Variants in NMU observed in about 807,000 individuals in gnomAD.
The protein encoded by NMU is neuromedin-U.
A neutral mutation model predicts 35.4 loss-of-function variants in NMU; 29 were observed. The observed-to-expected ratio is 0.82, with a 90% CI of 0.61 to 1.12. NMU has a LOEUF of 1.12. Ranked by LOEUF, NMU falls within the 50% of genes most tolerant of loss-of-function variation. The pLI is 0.00. For missense variants in NMU, 199 were observed against 206.2 expected, an observed-to-expected ratio of 0.97 and a Z score of 0.21; for synonymous variants, 78 against 81.3, an observed-to-expected ratio of 0.96 and a Z score of 0.22.
At chr4:55,612,046 A>G (rs113862819) in intron 3 of NMU, among the ~76,000 whole-genome samples, 58 of 152,246 alleles carry the variant, frequency 3.8e-4, no homozygotes, top group African/African-American at 1.4e-3. Flanking sequence ...TTGCATTGGT[A>G]TTGCCTGCTA....
chr4:55,602,519 T>C (rs1404285065), intron 7 of NMU, among the ~76,000 whole-genome samples: 1 of 152,078 alleles, frequency 6.6e-6, no homozygotes, highest in Admixed American at 6.6e-5. Flanking sequence ...CAATACTGAG[T>C]GATTAGCTTT....
At chr4:55,635,031 G>A (rs1050178060) in intron 1 of NMU, among the ~76,000 whole-genome samples, 1 of 152,168 alleles carries the variant, frequency 6.6e-6, no homozygotes, top group Non-Finnish European at 1.5e-5. Context: ...TACAGGCTCT[G>A]CAGTTGTGAT....
rs375205635 is a variant in NMU at position 55,630,327 on chromosome 4, CA to C, written c.171+74del. The C allele has an allele frequency of 1.2e-4, 127 of 1,066,642 alleles. No homozygotes were observed. In the African/African-American group the frequency reaches 1.6e-3, roughly 13 times the overall value. 66.1% of individuals were successfully genotyped at this position (1,066,642 alleles called of 1,614,324 possible). ...GTAAAATCATAGTTCTCCCAAAGCT[CA>C]ATTATACATTTTAACATGATAATTT... On this transcript the variant is annotated intron_variant, in intron 2 of 9. Transcript: ENST00000264218.
At chr4:55,597,315 G>T (rs901337562) in intron 9 of NMU, among the ~76,000 whole-genome samples, 2 of 151,540 alleles carry the variant, frequency 1.3e-5, no homozygotes, top group Non-Finnish European at 2.9e-5. Flanking sequence ...AGGGTATATT[G>T]TGGGTATAGT....
rs199790404 is a variant in NMU at position 55,613,121 on chromosome 4, AG to A, written c.219+3216del. On this transcript the variant is annotated intron_variant, in intron 3 of 9. Coordinates refer to ENST00000264218, the MANE Select transcript of NMU (RefSeq NM_006681.4). Reference sequence around the variant, plus strand: ...TAAACACGGATGCACGTGGGCAAAGAGAAGGAAACAGTAGATACCGAGGCCT... The same window carrying A: ...TAAACACGGATGCACGTGGGCAAAGAAAGGAAACAGTAGATACCGAGGCCT... Among the ~76,000 whole-genome samples, 1,499 of 152,298 alleles carry A rather than the reference AG, an allele frequency of 9.8e-3. 9 individuals carry two copies. The highest frequency in any genetic ancestry group is 0.02 in the Middle Eastern group (6 of 294).
intron 1 of NMU, 120 bp from the exon 2 acceptor site, chr4:55,630,580 A>G: frequency 1.3e-6 from 1 of 743,532 alleles, no homozygotes. Flanking sequence ...TCACCCACCT[A>G]TTTCAATATT....
At chr4:55,604,796 G>C (rs923798337) in intron 7 of NMU, among the ~76,000 whole-genome samples, 1 of 146,718 alleles carries the variant, frequency 6.8e-6, no homozygotes, top group African/African-American at 2.5e-5. Flanking sequence ...GCCTTCCAAA[G>C]TTGAAGGGAT....
At chr4:55,608,753 G>C (rs1421107990) in intron 4 of NMU, among the ~76,000 whole-genome samples, 1 of 150,880 alleles carries the variant, frequency 6.6e-6, no homozygotes, top group Admixed American at 6.6e-5. Flanking sequence ...AAAGTACAAT[G>C]TCCTGACCTT....
intron 1 of NMU, among the ~76,000 whole-genome samples, chr4:55,632,754 C>T (rs1424974861): frequency 6.6e-6 from 1 of 152,022 alleles, no homozygotes; most frequent in Non-Finnish European, 1.5e-5. Flanking sequence ...CCATCCCCGA[C>T]CCCCAGTAAA....
chr4:55,613,571 T>C (rs1472437560), intron 3 of NMU, among the ~76,000 whole-genome samples: 1 of 152,160 alleles, frequency 6.6e-6, no homozygotes, highest in Non-Finnish European at 1.5e-5. Context: ...TTAGAAATTA[T>C]AGTAATTAGT....
intron 5 of NMU, 25 bp downstream of exon 5, chr4:55,607,412 T>C: frequency 8.3e-7 from 1 of 1,205,482 alleles, no homozygotes; most frequent in Non-Finnish European, 1.2e-6. Flanking sequence ...TTTTATAAGG[T>C]ATAGATGTAT....
At chr4:55,610,650 A>G (rs751740804) in intron 3 of NMU, among the ~76,000 whole-genome samples, 1 of 151,980 alleles carries the variant, frequency 6.6e-6, no homozygotes, top group Non-Finnish European at 1.5e-5. Context: ...TCTTCATTCC[A>G]TTTGTTTGCT....
At chr4:55,599,728 CT>C (rs1733348730) in intron 8 of NMU, among the ~76,000 whole-genome samples, 1 of 152,144 alleles carries the variant, frequency 6.6e-6, no homozygotes, top group Non-Finnish European at 1.5e-5. Context: ...GGATTCAGCC[CT>C]TGAAGTCTTC....
intron 3 of NMU, among the ~76,000 whole-genome samples, chr4:55,612,257 G>A (rs1205186522): frequency 6.6e-6 from 1 of 152,104 alleles, no homozygotes; most frequent in Non-Finnish European, 1.5e-5. Flanking sequence ...TTAATTAGCT[G>A]GGCATGGTGG....
intron 7 of NMU, among the ~76,000 whole-genome samples, chr4:55,603,399 G>GA (rs985938827): frequency 8.6e-5 from 13 of 150,872 alleles, no homozygotes; most frequent in Admixed American, 2.0e-4. Context: ...ACAGCATAGT[G>GA]AAAAAAAAAT....
chr4:55,612,195 A>C (rs10026315), intron 3 of NMU, among the ~76,000 whole-genome samples: 26,813 of 152,200 alleles, frequency 0.18, 2,502 homozygotes, highest in South Asian at 0.23. Context: ...ACTTCCCTTA[A>C]CAGCTTGGTC....
rs1285262056 is a variant in NMU at position 55,595,231 on chromosome 4, T to C, written c.*185A>G. 2 of 152,410 alleles carry C rather than the reference T, an allele frequency of 1.3e-5. No homozygotes were observed. The highest frequency in any genetic ancestry group is 2.9e-5 in the Non-Finnish European group (2 of 67,984). 9.4% of individuals were successfully genotyped at this position (152,410 alleles called of 1,614,324 possible). Reference sequence around the variant, plus strand: ...TTCTCATTAAAACACTAAGCAAAAATATTTTTAGATTTTTTAATTTTCAAC... The same window carrying C: ...TTCTCATTAAAACACTAAGCAAAAACATTTTTAGATTTTTTAATTTTCAAC... On this transcript the variant is annotated 3_prime_UTR_variant, in exon 10 of 10. Coordinates refer to ENST00000264218, the MANE Select transcript of NMU (RefSeq NM_006681.4).
intron 6 of NMU, 36 bp downstream of exon 6, chr4:55,607,262 T>A: frequency 6.9e-7 from 1 of 1,457,452 alleles, no homozygotes; most frequent in South Asian, 1.2e-5. Context: ...TTTAAACAAA[T>A]ATTAGTGATT....
intron 1 of NMU, among the ~76,000 whole-genome samples, chr4:55,635,759 CG>C (rs1018833715): frequency 6.6e-6 from 1 of 152,228 alleles, no homozygotes; most frequent in Non-Finnish European, 1.5e-5. Flanking sequence ...TTCCACGGGC[CG>C]GGGGGTCTGG....
Sources: gnomAD v4.1 joint callset for allele counts (sites outside exome capture counted in the v4.1 genomes callset) on GRCh38, gnomAD v4.1.1 for gene constraint, MANE v1.5 for transcripts, NCBI Gene and HGNC (gene_info 2026-07-23, HGNC 2026-07-21) for gene names.